Variants in LACRT observed in about 807,000 individuals in gnomAD.
LACRT encodes the protein lacritin, also known as extracellular glycoprotein lacritin.
LACRT carries 14 observed loss-of-function variants against 14.5 expected under a neutral mutation model. The ratio of observed to expected loss-of-function variants is 0.96; its 90% CI spans 0.64 to 1.51. The LOEUF is 1.51. Among genes scored for constraint, LACRT ranks in the 40% most tolerant of loss-of-function variants. LACRT has a pLI of 0.00. For missense variants in LACRT, 156 were observed against 161.8 expected (o/e 0.96, Z 0.19); for synonymous variants, 70 against 63.5 (o/e 1.10, Z -0.48).
intron 3 of LACRT, 66 bp from the exon 4 acceptor site, chr12:54,631,905 G>T: frequency 9.2e-7 from 1 of 1,090,822 alleles, no homozygotes; most frequent in Non-Finnish European, 1.4e-6. Context: ...ACTCTGCATT[G>T]CCCCACCTGC....
chr12:54,633,705 G>A (rs563862945), intron 1 of LACRT, among the ~76,000 whole-genome samples: 12 of 152,298 alleles, frequency 7.9e-5, no homozygotes, highest in African/African-American at 2.9e-4. Flanking sequence ...AGATGGAGGT[G>A]CAGTGCTGAA....
intron 4 of LACRT, 147 bp from the exon 5 acceptor site, chr12:54,631,100 A>G (rs1015358271): frequency 9.4e-6 from 6 of 637,492 alleles, no homozygotes; most frequent in Non-Finnish European, 1.7e-5. Context: ...TTGAGATTAG[A>G]TTCACCAGAG....
Position 54,632,305 on chromosome 12 carries a change from A to C in LACRT, c.189T>G (p.Thr63=), listed in dbSNP as rs1031784460. 2.5e-5 allele frequency: 40 copies of C among 1,613,982 alleles called. No homozygotes were observed. The highest frequency in any genetic ancestry group is 3.0e-5 in the Non-Finnish European group (35 of 1,180,014). ...PPETTTTAQE[T]SAAAVQGTAK... is the part of the protein sequence containing the mutation. Reference sequence around the variant, plus strand: ...CTGTCCCCTGAACTGCTGCCGCCGAAGTCTCCTGGGCTGTTGTGGTTGTCT... The same window carrying C: ...CTGTCCCCTGAACTGCTGCCGCCGACGTCTCCTGGGCTGTTGTGGTTGTCT... The change falls in exon 3 of 5, where the codon ACT becomes ACG. Residue 63 remains threonine, a synonymous_variant. Transcript: ENST00000257867.
Position 54,630,899 on chromosome 12 carries a change from C to T in LACRT, c.410G>A (p.Trp137Ter). 1 of 1,607,866 alleles carries T rather than the reference C, an allele frequency of 6.2e-7. No homozygotes were observed. The highest frequency in any genetic ancestry group is 8.5e-7 in the Non-Finnish European group (1 of 1,174,372). ...CCCATTCTTTTCAGCTTCTCATGCC[C>T]ATGGTTTTAATAGACTGAATTTCTT... ...LLKKFSLLKPWA is the reference protein window; with the variant it reads ...LLKKFSLLKP Residue 137 changes from tryptophan to a stop codon, truncating the protein, a stop_gained, in exon 5 of 5, where the codon TGG (tryptophan) becomes TAG (stop). Transcript: ENST00000257867. LOFTEE classifies it high-confidence loss of function.
chr12:54,631,341 G>T (rs116354058), intron 4 of LACRT, among the ~76,000 whole-genome samples: 1 of 152,308 alleles, frequency 6.6e-6, no homozygotes, highest in African/African-American at 2.4e-5. Context: ...ACGGGCTCAG[G>T]TGATCCTCCC....
chr12:54,634,431 G>A (rs1303825731), intron 1 of LACRT, among the ~76,000 whole-genome samples: 1 of 151,972 alleles, frequency 6.6e-6, no homozygotes, highest in East Asian at 1.9e-4. Flanking sequence ...GGCAAGTAGA[G>A]TGTCGGCCAG....
chr12:54,633,481 G>A (rs1440536171), intron 1 of LACRT, among the ~76,000 whole-genome samples: 1 of 152,082 alleles, frequency 6.6e-6, no homozygotes, highest in African/African-American at 2.4e-5. Context: ...TTGGAACAGT[G>A]CCTTCCTCCT....
intron 3 of LACRT, 163 bp downstream of exon 3, chr12:54,632,078 G>A (rs758623737): frequency 1.2e-4 from 90 of 772,226 alleles, no homozygotes; most frequent in Non-Finnish European, 1.7e-4. Flanking sequence ...TTGTGAAAAC[G>A]TTGTGTGTGG....
chr12:54,632,376 G>T lies in LACRT; in HGVS notation c.118C>A (p.Pro40Thr). Reference protein sequence around the residue: ...DPAQEAGTSKPNEEISGPAEP... With the variant: ...DPAQEAGTSKTNEEISGPAEP... ...GCTGGACCTGAGATCTCTTCATTAG[G>T]CTTAGCTGTGAATGCACAAATTGAT... The change falls in exon 3 of 5, where the codon CCT (proline) becomes ACT (threonine). Residue 40 changes from proline to threonine, a missense_variant. By Grantham distance (38) the Pro-to-Thr change is conservative. Transcript: ENST00000257867. 2 of 1,613,786 alleles carry T rather than the reference G, an allele frequency of 1.2e-6. No individual in the cohort carries two copies. The highest frequency in any genetic ancestry group is 2.2e-5 in the East Asian group (1 of 44,870).
rs1021174703 is a variant in LACRT at position 54,632,114 on chromosome 12, C to T, written c.253+127G>A. Reference sequence around the variant, plus strand: ...GTGCAATGCACAATCCCATTTGTGCCTTTGTGTTCAGCTGTTTGAGTCTAC... The same window carrying T: ...GTGCAATGCACAATCCCATTTGTGCTTTTGTGTTCAGCTGTTTGAGTCTAC... On this transcript the variant is annotated intron_variant, in intron 3 of 4. Transcript: ENST00000257867. The T allele has an allele frequency of 1.5e-5, 16 of 1,098,308 alleles. No individual in the cohort carries two copies. In the African/African-American group the frequency reaches 2.2e-4, roughly 15 times the overall value. 68.0% of individuals were successfully genotyped at this position (1,098,308 alleles called of 1,614,324 possible).
Position 54,632,383 on chromosome 12 carries a change from T to C in LACRT, c.113-2A>G. On this transcript the variant is annotated splice_acceptor_variant, in intron 2 of 4. Transcript: ENST00000257867. LOFTEE classifies it high-confidence loss of function. Reference sequence around the variant, plus strand: ...CTGAGATCTCTTCATTAGGCTTAGCTGTGAATGCACAAATTGATGGATTTT... The same window carrying C: ...CTGAGATCTCTTCATTAGGCTTAGCCGTGAATGCACAAATTGATGGATTTT... The C allele has an allele frequency of 6.2e-7, 1 of 1,613,354 alleles. No homozygotes were observed. The highest frequency in any genetic ancestry group is 8.5e-7 in the Non-Finnish European group (1 of 1,179,720).
At chr12:54,631,055 A>C (rs1213947202) in intron 4 of LACRT, 102 bp from the exon 5 acceptor site, 4 of 740,430 alleles carry the variant, frequency 5.4e-6, no homozygotes. Context: ...AGACTTACTG[A>C]GACTCTGGAG....
chr12:54,630,904 T>G lies in LACRT; in HGVS notation c.405A>C (p.Lys135Asn), dbSNP rs922216012. Residue 135 changes from lysine to asparagine, a missense_variant, in exon 5 of 5, where the codon AAA (lysine) becomes AAC (asparagine). Physicochemically the swap from Lys to Asn is moderately conservative, Grantham distance 94. Transcript: ENST00000257867. ...TCTTTTCAGCTTCTCATGCCCATGG[T>G]TTTAATAGACTGAATTTCTTCAGTA... ...QKLLKKFSLLKPWA is the reference protein window; with the variant it reads ...QKLLKKFSLLNPWA The G allele has an allele frequency of 1.2e-6, 2 of 1,610,054 alleles. No homozygotes were observed. The highest frequency in any genetic ancestry group is 2.7e-5 in the African/African-American group (2 of 74,856).
Position 54,632,278 on chromosome 12 carries a change from G to C in LACRT, c.216C>G (p.Ala72=). The change falls in exon 3 of 5, where the codon GCC becomes GCG. Residue 72 remains alanine (A), a synonymous_variant. Coordinates refer to ENST00000257867, the MANE Select transcript of LACRT (RefSeq NM_033277.2). ...GTTCCTGCCTGCTTGAGGTGACCTT[G>C]GCTGTCCCCTGAACTGCTGCCGCCG... The part of the protein sequence containing the change: ...ETSAAAVQGT[A]KVTSSRQELN... 6.2e-7 allele frequency: 1 copy of C among 1,614,106 alleles called. No individual in the cohort carries two copies. Among genetic ancestry groups the C allele is most frequent in the South Asian group, 1.1e-5 (1 of 91,084 alleles).
rs778872187 is a variant in LACRT, at chr12:54,634,885, G to T, written c.-44C>A. 3.8e-5 allele frequency: 58 copies of T among 1,519,356 alleles called. No individual in the cohort carries two copies. Among genetic ancestry groups the T allele is most frequent in the Non-Finnish European group, 5.3e-5 (58 of 1,093,946 alleles). 94.1% of individuals were successfully genotyped at this position (1,519,356 alleles called of 1,614,324 possible). ...AGTATAACCACAGAATCTGCAGAAG[G>T]TCTGGGGAATAAGGATGCTGAAATT... On this transcript the variant is annotated 5_prime_UTR_variant, in exon 1 of 5. Transcript: ENST00000257867.
At position 54,633,212 on chromosome 12, in the gene LACRT, G is replaced by A. The variant is rs374392966; in HGVS notation, c.80C>T (p.Thr27Met). Reference protein sequence around the residue: ...VYAEDASSDSTGADPAQEAGT... With the variant: ...VYAEDASSDSMGADPAQEAGT... ...AGCTTCCTGGGCAGGATCAGCACCC[G>A]TCGAGTCAGAGGAGGCATCTTCTGC... is the stretch of plus-strand genomic sequence containing the variant. Residue 27 changes from threonine (T) to methionine (M), a missense_variant, in exon 2 of 5, where the codon ACG becomes ATG. Coordinates refer to ENST00000257867, the MANE Select transcript of LACRT (RefSeq NM_033277.2). 8 of 1,613,726 alleles carry A rather than the reference G, an allele frequency of 5.0e-6. No homozygotes were observed. The highest frequency in any genetic ancestry group is 2.2e-5 in the East Asian group (1 of 44,880).
chr12:54,634,635 C>A, intron 1 of LACRT, 149 bp downstream of exon 1: 1 of 765,934 alleles, frequency 1.3e-6, no homozygotes, highest in Admixed American at 2.1e-5. Context: ...GGTGCAGAGG[C>A]CACGTGTGGA....
chr12:54,633,721 C>G (rs1170727724), intron 1 of LACRT, among the ~76,000 whole-genome samples: 1 of 152,152 alleles, frequency 6.6e-6, no homozygotes, highest in East Asian at 1.9e-4. Context: ...CTGAAGAGGG[C>G]AGACAAGACC....
At chr12:54,632,521 A>C (rs1294454613) in intron 2 of LACRT, 140 bp from the exon 3 acceptor site, 1 of 981,462 alleles carries the variant, frequency 1.0e-6, no homozygotes, top group Non-Finnish European at 1.5e-6. Flanking sequence ...TGCCCCCTTA[A>C]GGGAGATAGC....
Sources: gnomAD v4.1 joint callset for allele counts (sites outside exome capture counted in the v4.1 genomes callset) on GRCh38, gnomAD v4.1.1 for gene constraint, MANE v1.5 for transcripts, NCBI Gene and HGNC (gene_info 2026-07-23, HGNC 2026-07-21) for gene names.